CCDC90B: variants seen among roughly 807,000 people sequenced by gnomAD.
The protein encoded by CCDC90B is coiled-coil domain-containing protein 90B, mitochondrial.
Under a neutral mutation model 37.0 loss-of-function variants are expected in CCDC90B, and 24 were observed. The ratio of observed to expected loss-of-function variants is 0.65; its 90% CI spans 0.47 to 0.91. The LOEUF is 0.91. Ranked by LOEUF, CCDC90B falls within the 40% of genes least tolerant of loss-of-function variation. CCDC90B has a pLI of 0.00. For synonymous variants in CCDC90B, 113 were observed against 101.1 expected, an observed-to-expected ratio of 1.12 and a Z score of -0.71; for missense variants, 319 against 299.0, an observed-to-expected ratio of 1.07 and a Z score of -0.49.
At position 83,273,701 on chromosome 11, in the gene CCDC90B, CTA is replaced by C. The variant is rs548957417; in HGVS notation, c.541-3_541-2del. ...TAAGTTGCTTTTCTTGATCTGTAAA[CTA>C]TAGGATATGAAGCAGCAGGAAGTTA... On this transcript the variant is annotated splice_acceptor_variant and splice_polypyrimidine_tract_variant and intron_variant, in intron 6 of 8. Transcript: ENST00000529689. LOFTEE classifies it high-confidence loss of function. 10 of 1,604,492 alleles carry C rather than the reference CTA, an allele frequency of 6.2e-6. No individual in the cohort carries two copies. Among genetic ancestry groups the C allele is most frequent in the Non-Finnish European group, 8.5e-6 (10 of 1,177,264 alleles).
At position 83,261,079 on chromosome 11, in the gene CCDC90B, G is replaced by C. The variant is rs1863905693; in HGVS notation, c.*832C>G. 6.6e-6 allele frequency: 1 copy of C among 152,098 alleles called. No individual in the cohort carries two copies. The highest frequency in any genetic ancestry group is 2.1e-4 in the South Asian group (1 of 4,826). 9.4% of individuals were successfully genotyped at this position (152,098 alleles called of 1,614,324 possible). A position where few individuals can be genotyped will look rare whatever the true frequency, so the allele number is the denominator to read the frequency against. On this transcript the variant is annotated 3_prime_UTR_variant, in exon 9 of 9. Transcript: ENST00000529689. Reference sequence around the variant, plus strand: ...GATTTCATATTAAGTGTTGTAATTTGCACTAAAGCACACATTTATTTATTT... The same window carrying C: ...GATTTCATATTAAGTGTTGTAATTTCCACTAAAGCACACATTTATTTATTT...
Position 83,286,322 on chromosome 11 carries a change from C to A in CCDC90B, c.-350G>T. On this transcript the variant is annotated 5_prime_UTR_variant, in exon 1 of 9. Transcript: ENST00000529689. Reference sequence around the variant, plus strand: ...CCAACAGCTGGCTCCCCCAAGATAGCCAGCGGCCATTACGCGCTTGGGTCG... The same window carrying A: ...CCAACAGCTGGCTCCCCCAAGATAGACAGCGGCCATTACGCGCTTGGGTCG... The A allele has an allele frequency of 1.2e-6, 1 of 850,056 alleles. No individual in the cohort carries two copies. The highest frequency in any genetic ancestry group is 1.8e-5 in the South Asian group (1 of 56,994). 52.7% of individuals were successfully genotyped at this position (850,056 alleles called of 1,614,324 possible). A position where few individuals can be genotyped will look rare whatever the true frequency, so the allele number is the denominator to read the frequency against.
chr11:83,277,303 G>T (rs1474379292), intron 3 of CCDC90B, among the ~76,000 whole-genome samples: 1 of 152,108 alleles, frequency 6.6e-6, no homozygotes, highest in Admixed American at 6.5e-5. Context: ...GGACAGCTCG[G>T]AGCTTAGGAG....
intron 3 of CCDC90B, among the ~76,000 whole-genome samples, chr11:83,275,715 A>C (rs1445054532): frequency 6.6e-6 from 1 of 152,144 alleles, no homozygotes; most frequent in Non-Finnish European, 1.5e-5. Context: ...TAAAACAAGA[A>C]AGCCCAAAAA....
chr11:83,266,021 G>T, intron 7 of CCDC90B, 42 bp from the exon 8 acceptor site: 1 of 1,020,948 alleles, frequency 9.8e-7, no homozygotes, highest in Non-Finnish European at 1.5e-6. Flanking sequence ...TTGTCCCTAT[G>T]TATTAAATGG....
chr11:83,277,535 C>T (rs12288554), intron 3 of CCDC90B, among the ~76,000 whole-genome samples: 2,057 of 152,000 alleles, frequency 0.014, 41 homozygotes, highest in African/African-American at 0.044. Context: ...CAGGCTGGAG[C>T]GCAGTGGTGC....
chr11:83,279,293 A>C (rs1270142346), intron 2 of CCDC90B, among the ~76,000 whole-genome samples: 4 of 152,062 alleles, frequency 2.6e-5, no homozygotes, highest in African/African-American at 7.2e-5. Context: ...AAAAAACAAA[A>C]AAAAAACAAA....
At chr11:83,263,761 A>G (rs911290327) in intron 8 of CCDC90B, among the ~76,000 whole-genome samples, 14 of 152,190 alleles carry the variant, frequency 9.2e-5, no homozygotes, top group African/African-American at 2.7e-4. Flanking sequence ...AATGTTTCCA[A>G]CCTATGGAGA....
At chr11:83,274,066 T>TA (rs1373870297) in intron 4 of CCDC90B, 74 bp from the exon 5 acceptor site, 1 of 1,184,946 alleles carries the variant, frequency 8.4e-7, no homozygotes, top group African/African-American at 1.6e-5. Flanking sequence ...TCTGAAACCC[T>TA]AGATTACCAA....
At chr11:83,264,367 A>G (rs982718101) in intron 8 of CCDC90B, among the ~76,000 whole-genome samples, 1 of 149,192 alleles carries the variant, frequency 6.7e-6, no homozygotes, top group African/African-American at 2.6e-5. Flanking sequence ...TAAGATGTTT[A>G]TATACAGAAG....
At chr11:83,274,109 AT>A (rs1181099196) in intron 4 of CCDC90B, 117 bp from the exon 5 acceptor site, 32 of 632,646 alleles carry the variant, frequency 5.1e-5, no homozygotes, top group Non-Finnish European at 7.4e-5. Context: ...CTAATACAGA[AT>A]TGATAAGGAA....
intron 1 of CCDC90B, among the ~76,000 whole-genome samples, chr11:83,284,250 T>A (rs1865554511): frequency 6.6e-6 from 1 of 152,218 alleles, no homozygotes; most frequent in African/African-American, 2.4e-5. Context: ...AGTCATAGAT[T>A]GTGGATTGGA....
Position 83,260,985 on chromosome 11 carries a change from T to C in CCDC90B, c.*926A>G, listed in dbSNP as rs1863902075. 6.6e-6 allele frequency: 1 copy of C among 152,222 alleles called. No individual in the cohort carries two copies. The highest frequency in any genetic ancestry group is 1.9e-4 in the East Asian group (1 of 5,200). 9.4% of individuals were successfully genotyped at this position (152,222 alleles called of 1,614,324 possible). On this transcript the variant is annotated 3_prime_UTR_variant, in exon 9 of 9. Transcript: ENST00000529689. ...ACTACATTAAGAAGCAGGGATAAAC[T>C]GGTTTTTGAGTATCAAATATTTAAA...
At position 83,261,791 on chromosome 11, in the gene CCDC90B, G is replaced by A. The variant is rs182121966; in HGVS notation, c.*120C>T. ...TCTAAAACACTTCCTCTTTTAGTCC[G>A]TATACACTTCGAATAATCTTGTGTA... On this transcript the variant is annotated 3_prime_UTR_variant, in exon 9 of 9. Coordinates refer to ENST00000529689, the MANE Select transcript of CCDC90B (RefSeq NM_021825.5). The A allele has an allele frequency of 8.4e-5, 58 of 690,832 alleles. No individual in the cohort carries two copies. Among genetic ancestry groups the A allele is most frequent in the East Asian group, 4.2e-4 (16 of 37,906 alleles). The allele number at this position is 690,832 out of a possible 1,614,324, so 42.8% of individuals were successfully genotyped here.
chr11:83,278,666 C>A, intron 3 of CCDC90B, 60 bp downstream of exon 3: 1 of 1,115,668 alleles, frequency 9.0e-7, no homozygotes, highest in Non-Finnish European at 1.3e-6. Context: ...TAGACAGAGA[C>A]ATAGTTATGA....
In CCDC90B at chr11:83,278,717, G is replaced by C. The variant is rs1009146733; in HGVS notation, c.324+9C>G. 1 of 1,526,402 alleles carries C rather than the reference G, an allele frequency of 6.6e-7. No homozygotes were observed. The highest frequency in any genetic ancestry group is 1.4e-5 in the African/African-American group (1 of 73,206). The allele number at this position is 1,526,402 out of a possible 1,614,324, so 94.6% of individuals were successfully genotyped here. ...AAAGTATCAGAAGTGATAGTAATCA[G>C]TGTATTACCTGTTGAGCTTGAGTGA... is the stretch of plus-strand genomic sequence containing the variant. On this transcript the variant is annotated intron_variant, in intron 3 of 8. Transcript: ENST00000529689.
chr11:83,274,002 G>T lies in CCDC90B; in HGVS notation c.427-10C>A, dbSNP rs1864863889. The T allele has an allele frequency of 6.5e-7, 1 of 1,538,724 alleles. No individual in the cohort carries two copies. Among genetic ancestry groups the T allele is most frequent in the Non-Finnish European group, 8.7e-7 (1 of 1,145,916 alleles). ...ATTCAATTTTCATTTTCTAGGTACA[G>T]GAAAGATCACATGCAATTAGCATTA... is the stretch of plus-strand genomic sequence containing the variant. On this transcript the variant is annotated splice_polypyrimidine_tract_variant and intron_variant, in intron 4 of 8. Transcript: ENST00000529689.
intron 7 of CCDC90B, chr11:83,267,090 C>T (rs937526235): frequency 6.6e-6 from 1 of 152,192 alleles, no homozygotes; most frequent in Admixed American, 6.5e-5. Context: ...TCATCTACAC[C>T]AAAACCCCAT....
intron 1 of CCDC90B, chr11:83,285,611 G>C: frequency 7.5e-7 from 1 of 1,330,188 alleles, no homozygotes; most frequent in Non-Finnish European, 9.6e-7. Flanking sequence ...GGAAACAACG[G>C]CTGAGAAAGA....
Sources: gnomAD v4.1 joint callset for allele counts (sites outside exome capture counted in the v4.1 genomes callset) on GRCh38, gnomAD v4.1.1 for gene constraint, MANE v1.5 for transcripts, NCBI Gene and HGNC (gene_info 2026-07-23, HGNC 2026-07-21) for gene names.